The following RALGPS1 variants were observed in gnomAD, a reference collection of about 807,000 sequenced individuals.
The protein encoded by RALGPS1 is Ral GEF with PH domain and SH3 binding motif 1.
Under a neutral mutation model 78.8 loss-of-function variants are expected in RALGPS1, and 19 were observed. That is an observed-to-expected ratio of 0.24 (90% CI 0.17 to 0.35). The LOEUF is 0.35. Ranked by LOEUF, RALGPS1 falls within the 10% of genes least tolerant of loss-of-function variation. The probability of loss-of-function intolerance (pLI) is 1.00; values close to 1 mark genes in which losing one functional copy is unlikely to be tolerated. For missense variants in RALGPS1, 454 were observed against 688.3 expected (o/e 0.66, Z 3.81); for synonymous variants, 228 against 256.3 (o/e 0.89, Z 1.06).
chr9:127,095,972 C>A (rs1323657801), intron 8 of RALGPS1, among the ~76,000 whole-genome samples: 2 of 152,176 alleles, frequency 1.3e-5, no homozygotes, highest in African/African-American at 4.8e-5. Context: ...GGTGCTGACA[C>A]TTAACTCAGG....
intron 1 of RALGPS1, among the ~76,000 whole-genome samples, chr9:126,958,147 AT>A (rs1564307197): frequency 6.2e-5 from 8 of 128,574 alleles, no homozygotes; most frequent in Non-Finnish European, 1.0e-4. Flanking sequence ...AAAAAAATAT[AT>A]ATATATATAT....
At chr9:127,126,378 G>T (rs1320965707) in intron 8 of RALGPS1, among the ~76,000 whole-genome samples, 1 of 152,036 alleles carries the variant, frequency 6.6e-6, no homozygotes, top group East Asian at 1.9e-4. Flanking sequence ...ATTCCATGTG[G>T]GTTTACTGAG....
chr9:127,052,721 G>T, intron 6 of RALGPS1, 126 bp from the exon 7 acceptor site: 1 of 661,002 alleles, frequency 1.5e-6, no homozygotes. Flanking sequence ...TTAGAACTAT[G>T]TTTTCCACAT....
At chr9:127,188,593 AGT>A (rs2060816648) in intron 11 of RALGPS1, among the ~76,000 whole-genome samples, 1 of 152,086 alleles carries the variant, frequency 6.6e-6, no homozygotes, top group Non-Finnish European at 1.5e-5. Context: ...GCCAAGAGGC[AGT>A]GTCGGGTGGT....
At chr9:127,043,976 T>C (rs907072167) in intron 5 of RALGPS1, among the ~76,000 whole-genome samples, 1 of 152,234 alleles carries the variant, frequency 6.6e-6, no homozygotes, top group Admixed American at 6.5e-5. Context: ...CTCTTATTCA[T>C]TGCTGGTGGG....
intron 4 of RALGPS1, among the ~76,000 whole-genome samples, chr9:126,999,950 A>G (rs1034354692): frequency 6.6e-6 from 1 of 152,162 alleles, no homozygotes; most frequent in Non-Finnish European, 1.5e-5. Flanking sequence ...TGTGTTTTTC[A>G]TTGAGCCTGT....
At chr9:126,946,533 CAAAAAAAAA>C (rs61279292) in intron 1 of RALGPS1, among the ~76,000 whole-genome samples, 373 of 76,238 alleles carry the variant, frequency 4.9e-3, no homozygotes, top group African/African-American at 0.018. Context: ...GAATCTGTCT[CAAAAAAAAA>C]AAAAAAAAAA....
chr9:127,185,693 T>G (rs2060598785), intron 11 of RALGPS1, among the ~76,000 whole-genome samples: 1 of 152,152 alleles, frequency 6.6e-6, no homozygotes, highest in Non-Finnish European at 1.5e-5. Context: ...TTTACCGTAT[T>G]TATTATTATT....
At chr9:126,965,820 A>G in intron 2 of RALGPS1, 24 bp from the exon 3 acceptor site, 1 of 1,586,508 alleles carries the variant, frequency 6.3e-7, no homozygotes, top group Non-Finnish European at 8.6e-7. Flanking sequence ...TTCAGTTGGC[A>G]CCATCTTTCC....
intron 1 of RALGPS1, among the ~76,000 whole-genome samples, chr9:126,920,328 T>C (rs1377444462): frequency 6.6e-6 from 1 of 152,192 alleles, no homozygotes; most frequent in Admixed American, 6.5e-5. Flanking sequence ...TGTGCTGTGC[T>C]ATATGCTAGG....
At chr9:127,041,109 C>T (rs533469036) in intron 5 of RALGPS1, among the ~76,000 whole-genome samples, 6 of 140,008 alleles carry the variant, frequency 4.3e-5, no homozygotes, top group South Asian at 2.4e-4. Flanking sequence ...TTTTTATCCC[C>T]GAGGTGGAGT....
intron 4 of RALGPS1, among the ~76,000 whole-genome samples, chr9:127,004,197 G>A (rs886695598): frequency 5.9e-5 from 9 of 151,896 alleles, no homozygotes; most frequent in African/African-American, 1.5e-4. Context: ...CCAGGCTAAA[G>A]CGCAATGGCG....
At chr9:126,975,203 C>T (rs879601662) in intron 3 of RALGPS1, among the ~76,000 whole-genome samples, 3 of 152,130 alleles carry the variant, frequency 2.0e-5, no homozygotes, top group African/African-American at 4.8e-5. Flanking sequence ...TTATGTATTT[C>T]GGACTAGCTA....
At chr9:127,112,229 CGT>C (rs1370699502) in intron 8 of RALGPS1, among the ~76,000 whole-genome samples, 1 of 152,208 alleles carries the variant, frequency 6.6e-6, no homozygotes, top group Non-Finnish European at 1.5e-5. Flanking sequence ...GCTGCAGTGA[CGT>C]CAGTGGAAAC....
At chr9:126,984,011 C>T (rs1287998082) in intron 4 of RALGPS1, among the ~76,000 whole-genome samples, 1 of 152,092 alleles carries the variant, frequency 6.6e-6, no homozygotes, top group Non-Finnish European at 1.5e-5. Flanking sequence ...TAAAGTTCCC[C>T]ATCTACCTTT....
intron 10 of RALGPS1, among the ~76,000 whole-genome samples, chr9:127,172,561 G>T (rs2059620977): frequency 6.6e-6 from 1 of 152,176 alleles, no homozygotes; most frequent in South Asian, 2.1e-4. Flanking sequence ...GTCCGTGTTG[G>T]ATGCTCTCTG....
intron 1 of RALGPS1, among the ~76,000 whole-genome samples, chr9:126,921,359 T>G (rs1414288480): frequency 6.6e-6 from 1 of 152,216 alleles, no homozygotes; most frequent in Non-Finnish European, 1.5e-5. Context: ...CTGCGTGAGC[T>G]CTTCTGAAAG....
chr9:127,046,217 C>A (rs1050107216), intron 5 of RALGPS1, among the ~76,000 whole-genome samples: 1 of 152,162 alleles, frequency 6.6e-6, no homozygotes, highest in Non-Finnish European at 1.5e-5. Flanking sequence ...ATCTCTCATG[C>A]AGAAAATTTC....
At chr9:127,028,901 G>T (rs2046183051) in intron 4 of RALGPS1, among the ~76,000 whole-genome samples, 1 of 152,112 alleles carries the variant, frequency 6.6e-6, no homozygotes, top group African/African-American at 2.4e-5. Flanking sequence ...ACTACTACAT[G>T]CTGTGGCCTC....
Sources: allele counts gnomAD v4.1 joint callset (sites outside exome capture counted in the v4.1 genomes callset), GRCh38; gene constraint gnomAD v4.1.1; transcripts MANE v1.5; gene names NCBI Gene and HGNC (gene_info 2026-07-23, HGNC 2026-07-21).